APBA2: variants seen among roughly 807,000 people sequenced by gnomAD.
APBA2 encodes amyloid-beta A4 precursor protein-binding family A member 2.
A neutral mutation model predicts 75.0 loss-of-function variants in APBA2; 30 were observed. That is an observed-to-expected ratio of 0.40 (90% CI 0.30 to 0.54). The LOEUF (loss-of-function observed/expected upper bound fraction) is 0.54. APBA2 is among the 20% of genes least tolerant of loss of function. The pLI, the probability that APBA2 is intolerant of heterozygous loss-of-function variation, is 0.49. For synonymous variants in APBA2, 444 were observed against 409.6 expected (o/e 1.08, Z -1.01); for missense variants, 801 against 1,016.1 (o/e 0.79, Z 2.88).
chr15:28,931,650 T>C (rs1454335042), intron 2 of APBA2, among the ~76,000 whole-genome samples: 1 of 152,206 alleles, frequency 6.6e-6, no homozygotes, highest in Non-Finnish European at 1.5e-5. Flanking sequence ...CTCCATGTAG[T>C]TCAGGAGTTG....
At chr15:28,901,908 A>G (rs1053403453) in intron 1 of APBA2, among the ~76,000 whole-genome samples, 23 of 67,404 alleles carry the variant, frequency 3.4e-4, no homozygotes, top group South Asian at 1.2e-3. Flanking sequence ...GGAGCTTTTG[A>G]TGTGTGTGTG....
intron 3 of APBA2, among the ~76,000 whole-genome samples, chr15:29,002,038 G>T (rs1213928565): frequency 1.3e-5 from 2 of 152,062 alleles, no homozygotes; most frequent in African/African-American, 4.8e-5. Flanking sequence ...AATAGTCCCC[G>T]GTCACATTAG....
At chr15:28,907,698 CA>C (rs1247730576) in intron 1 of APBA2, among the ~76,000 whole-genome samples, 2 of 152,150 alleles carry the variant, frequency 1.3e-5, no homozygotes, top group Non-Finnish European at 2.9e-5. Context: ...TGCGTCCCAT[CA>C]TAGATATGAC....
intron 3 of APBA2, among the ~76,000 whole-genome samples, chr15:29,017,393 C>CT (rs2039718125): frequency 7.8e-6 from 1 of 128,044 alleles, no homozygotes; most frequent in Non-Finnish European, 1.6e-5. Flanking sequence ...TCTTTTCTTT[C>CT]TTTCTTTTTT....
chr15:29,106,797 C>T lies in APBA2; in HGVS notation c.1895C>T (p.Ala632Val), dbSNP rs1470357140. The T allele has an allele frequency of 6.2e-7, 1 of 1,612,800 alleles. No homozygotes were observed. Among genetic ancestry groups the T allele is most frequent in the Non-Finnish European group, 8.5e-7 (1 of 1,179,878 alleles). ...NGTSLVGLPL[A>V]TCQGIIKGLK... ...ACCAGCCTGGTGGGGCTGCCCCTCG[C>T]CACCTGCCAAGGCATCATCAAGGTA... Residue 632 changes from alanine to valine, a missense_variant, in exon 12 of 15, where the codon GCC becomes GTC. By Grantham distance (64) the Ala-to-Val change is moderately conservative. Around this residue, in one of 2 missense-constraint regions of APBA2, gnomAD observed 367 missense variants for 544.5 expected, o/e 0.67. Transcript: ENST00000683413.
chr15:29,040,701 C>T (rs1232287422), intron 3 of APBA2, among the ~76,000 whole-genome samples: 1 of 152,170 alleles, frequency 6.6e-6, no homozygotes, highest in African/African-American at 2.4e-5. Flanking sequence ...AATCAACATT[C>T]TCTACATTCT....
At chr15:29,024,559 C>T (rs2040121243) in intron 3 of APBA2, among the ~76,000 whole-genome samples, 1 of 152,216 alleles carries the variant, frequency 6.6e-6, no homozygotes. Flanking sequence ...TGCATCAAAT[C>T]CCATCTTCAG....
At chr15:28,923,758 T>C (rs2034103481) in intron 2 of APBA2, among the ~76,000 whole-genome samples, 1 of 152,144 alleles carries the variant, frequency 6.6e-6, no homozygotes, top group African/African-American at 2.4e-5. Context: ...GACTATTGAG[T>C]AGCCCCCTGC....
intron 2 of APBA2, among the ~76,000 whole-genome samples, chr15:28,929,630 G>A (rs1455614588): frequency 6.6e-6 from 1 of 152,178 alleles, no homozygotes; most frequent in East Asian, 1.9e-4. Flanking sequence ...CGCGTTGCTA[G>A]TTGTTTTGCC....
intron 3 of APBA2, among the ~76,000 whole-genome samples, chr15:29,044,783 A>C (rs890332166): frequency 1.3e-5 from 2 of 152,340 alleles, no homozygotes; most frequent in African/African-American, 4.8e-5. Context: ...TGGGTTCAGC[A>C]GGGGAATAGT....
In APBA2 at chr15:29,054,080, C is replaced by T; in HGVS notation, c.196C>T (p.His66Tyr). ...GCCAGAGGAACAGGAGTGCCACAAC[C>T]ACAGCCCCGATGGGGACTCCAGCTC... The part of the protein sequence containing the change: ...PAPEEQECHN[H>Y]SPDGDSSSDY... The change falls in exon 4 of 15, where the codon CAC becomes TAC. Residue 66 changes from histidine to tyrosine, a missense_variant. Transcript: ENST00000683413. This position sits in a 1 kb window ranked among gnomAD's most constrained non-coding sequence, Gnocchi z 6.1. 6.2e-7 allele frequency: 1 copy of T among 1,614,086 alleles called. No individual in the cohort carries two copies. The highest frequency in any genetic ancestry group is 8.5e-7 in the Non-Finnish European group (1 of 1,180,032).
intron 1 of APBA2, among the ~76,000 whole-genome samples, chr15:28,907,641 C>T (rs796068139): frequency 3.3e-5 from 5 of 152,070 alleles, no homozygotes; most frequent in Middle Eastern, 3.4e-3. Context: ...GACATCAATG[C>T]TCAGGATTGA....
At chr15:29,092,398 A>G (rs2043620340) in intron 6 of APBA2, among the ~76,000 whole-genome samples, 1 of 152,142 alleles carries the variant, frequency 6.6e-6, no homozygotes. Context: ...CATACAAGAA[A>G]TGGGTCCAGT....
chr15:29,052,447 TC>T lies in APBA2; in HGVS notation c.-40-1396del, dbSNP rs573789729. On this transcript the variant is annotated intron_variant, in intron 3 of 14. Coordinates refer to ENST00000683413, the MANE Select transcript of APBA2 (RefSeq NM_001353788.2). ...TCCATCCTGGGCGACAGAGCGAGAC[TC>T]CATCTCAAAAAAAAAAAAAAGAAGT... is the stretch of plus-strand genomic sequence containing the variant. Among the ~76,000 whole-genome samples, 1,012 of 72,554 alleles carry T rather than the reference TC, an allele frequency of 0.014. 18 individuals are homozygous for T. The African/African-American group carries it at 0.24, about 17-fold the overall frequency. The allele number at this position is 72,554 out of a possible 152,430, so 47.6% of individuals were successfully genotyped here.
rs60744239 is a variant in APBA2 at position 29,094,900 on chromosome 15, CTTTT to C, written c.1251+599_1251+602del. On this transcript the variant is annotated intron_variant, in intron 8 of 14. Coordinates refer to ENST00000683413, the MANE Select transcript of APBA2 (RefSeq NM_001353788.2). ...CACAATGAGAACCCTGTCTCCACAA[CTTTT>C]TTTTTTTTTTTAATTAGCTGGTCAT... 1.4e-4 allele frequency among the ~76,000 whole-genome samples: 21 copies of C among 146,292 alleles called. No homozygotes were observed. In the South Asian group the frequency reaches 2.0e-3, roughly 14 times the overall value.
intron 4 of APBA2, among the ~76,000 whole-genome samples, chr15:29,068,728 A>G (rs2042486846): frequency 6.6e-6 from 1 of 152,198 alleles, no homozygotes; most frequent in Admixed American, 6.5e-5. Context: ...GGTGTCAGTC[A>G]CTGGAGGGTT....
chr15:28,964,061 C>T (rs1022608886), intron 2 of APBA2, among the ~76,000 whole-genome samples: 1 of 152,230 alleles, frequency 6.6e-6, no homozygotes, highest in African/African-American at 2.4e-5. Context: ...ATGGCAACCA[C>T]TGGAGGACAT....
intron 2 of APBA2, among the ~76,000 whole-genome samples, chr15:28,967,350 G>GTC (rs1407858438): frequency 6.6e-6 from 1 of 152,212 alleles, no homozygotes; most frequent in Non-Finnish European, 1.5e-5. Flanking sequence ...AGGAAAAGCA[G>GTC]TCTATATCAT....
chr15:28,957,629 G>A (rs1291385722), intron 2 of APBA2, among the ~76,000 whole-genome samples: 1 of 149,330 alleles, frequency 6.7e-6, no homozygotes, highest in Non-Finnish European at 1.5e-5. Flanking sequence ...TGGTTTGGAT[G>A]GCGTTTTCCT....
Sources: allele counts gnomAD v4.1 joint callset (sites outside exome capture counted in the v4.1 genomes callset), GRCh38; gene constraint gnomAD v4.1.1; regional missense constraint gnomAD v4.1.1; non-coding constraint Gnocchi (gnomAD v3.1); transcripts MANE v1.5; gene names NCBI Gene and HGNC (gene_info 2026-07-23, HGNC 2026-07-21).